The following ZHX2 variants were observed in gnomAD, a reference collection of about 807,000 sequenced individuals.
ZHX2 encodes the protein zinc fingers and homeoboxes protein 2.
Under a neutral mutation model 21.9 loss-of-function variants are expected in ZHX2, and 6 were observed. That is an observed-to-expected ratio of 0.27 (90% CI 0.15 to 0.54). The LOEUF (loss-of-function observed/expected upper bound fraction) is 0.54, where lower values mean the gene tolerates loss of function less well. Among genes scored for constraint, ZHX2 ranks in the 20% least tolerant of loss-of-function variants. The pLI is 0.95. For missense variants in ZHX2, 908 were observed against 1,090.7 expected, an observed-to-expected ratio of 0.83 and a Z score of 2.36; for synonymous variants, 434 against 437.1, an observed-to-expected ratio of 0.99 and a Z score of 0.09.
chr8:122,811,444 G>A (rs1485473860), intron 1 of ZHX2, among the ~76,000 whole-genome samples: 1 of 152,194 alleles, frequency 6.6e-6, no homozygotes, highest in East Asian at 1.9e-4. Context: ...TAGAGAATAT[G>A]ATGCAGGTTC....
At chr8:122,934,720 G>A (rs1019108792) in intron 2 of ZHX2, among the ~76,000 whole-genome samples, 8 of 147,660 alleles carry the variant, frequency 5.4e-5, no homozygotes, top group Admixed American at 1.4e-4. Flanking sequence ...ATGAAGTTTC[G>A]CTTTTGTTGC....
At chr8:122,958,223 G>T (rs1049455922) in intron 3 of ZHX2, among the ~76,000 whole-genome samples, 1 of 152,154 alleles carries the variant, frequency 6.6e-6, no homozygotes, top group Non-Finnish European at 1.5e-5. Context: ...CTCAGTCCAG[G>T]CTCACCTCGG....
Position 122,953,969 on chromosome 8 carries a change from C to T in ZHX2, c.2459C>T (p.Ser820Leu), listed in dbSNP as rs767932096. The T allele has an allele frequency of 5.0e-6, 8 of 1,613,388 alleles. No individual in the cohort carries two copies. Among genetic ancestry groups the T allele is most frequent in the South Asian group, 3.3e-5 (3 of 90,972 alleles). Residue 820 changes from serine to leucine, a missense_variant, in exon 3 of 4, where the codon TCG (serine) becomes TTG (leucine). Coordinates refer to ENST00000314393, the MANE Select transcript of ZHX2 (RefSeq NM_014943.5). This position sits in a 1 kb window ranked among gnomAD's most constrained non-coding sequence, Gnocchi z 4.6. ...SWSQAAAEGV[S>L]ELAESDSDCV... ...AGTCAGGCTGCGGCAGAAGGTGTGT[C>T]GGAACTGGCTGAATCAGACTCCGAC...
intron 2 of ZHX2, among the ~76,000 whole-genome samples, chr8:122,934,921 C>A (rs1358455403): frequency 6.6e-6 from 1 of 152,184 alleles, no homozygotes; most frequent in East Asian, 1.9e-4. Context: ...CTCCTGACCT[C>A]AGGTAATCCA....
intron 2 of ZHX2, among the ~76,000 whole-genome samples, chr8:122,901,828 C>T (rs186731154): frequency 3.3e-5 from 5 of 152,254 alleles, no homozygotes; most frequent in African/African-American, 7.2e-5. Context: ...TATCTCCAGA[C>T]ATTGCCAAAT....
chr8:122,879,723 T>C (rs1287212122), intron 2 of ZHX2, among the ~76,000 whole-genome samples: 2 of 152,062 alleles, frequency 1.3e-5, no homozygotes, highest in Non-Finnish European at 2.9e-5. Flanking sequence ...AACTCAGCCC[T>C]CGGGCCACGT....
At chr8:122,875,167 A>T (rs1358363962) in intron 2 of ZHX2, among the ~76,000 whole-genome samples, 407 of 32,790 alleles carry the variant, frequency 0.012, 42 homozygotes, top group African/African-American at 0.045. Context: ...ATATATATAT[A>T]TATATATATA....
chr8:122,947,010 C>G (rs1015344571), intron 2 of ZHX2, among the ~76,000 whole-genome samples: 7 of 141,728 alleles, frequency 4.9e-5, no homozygotes, highest in Non-Finnish European at 9.0e-5. Flanking sequence ...AATCCCAGCA[C>G]TTTGGGAGAC....
At chr8:122,853,284 G>A (rs150389308) in intron 1 of ZHX2, among the ~76,000 whole-genome samples, 52 of 152,246 alleles carry the variant, frequency 3.4e-4, no homozygotes, top group African/African-American at 1.2e-3. Context: ...TTTTCACATC[G>A]TATTTCCTTC....
chr8:122,787,690 G>T (rs1016925537), intron 1 of ZHX2, among the ~76,000 whole-genome samples: 11 of 152,184 alleles, frequency 7.2e-5, no homozygotes, highest in African/African-American at 1.4e-4. Context: ...CCCTGTTGGG[G>T]GCCCAGGGGC....
chr8:122,951,798 T>C lies in ZHX2; in HGVS notation c.288T>C (p.His96=), dbSNP rs4871332. 19,991 of 1,614,030 alleles carry C rather than the reference T, an allele frequency of 0.012. 509 individuals carry two copies. The highest frequency in any genetic ancestry group is 0.089 in the Admixed American group (5,339 of 60,012). The part of the protein sequence containing the change: ...STQNLNEFTE[H]VDMQHPNVIL... ...AAAACCTGAACGAGTTCACGGAGCA[T>C]GTCGACATGCAGCATCCCAACGTGA... The change falls in exon 3 of 4, where the codon CAT becomes CAC. Residue 96 remains histidine (H), a synonymous_variant. Coordinates refer to ENST00000314393, the MANE Select transcript of ZHX2 (RefSeq NM_014943.5).
intron 2 of ZHX2, among the ~76,000 whole-genome samples, chr8:122,927,311 A>G (rs942091912): frequency 1.3e-5 from 2 of 152,184 alleles, no homozygotes; most frequent in African/African-American, 4.8e-5. Flanking sequence ...CCTGGCCAAC[A>G]TGGTGAAACG....
intron 2 of ZHX2, among the ~76,000 whole-genome samples, chr8:122,921,162 AC>A (rs761740572): frequency 3.3e-5 from 5 of 151,876 alleles, no homozygotes; most frequent in Non-Finnish European, 5.9e-5. Flanking sequence ...TCACTCTGCA[AC>A]CTCTGCCTCC....
At chr8:122,876,518 C>T (rs1316807452) in intron 2 of ZHX2, among the ~76,000 whole-genome samples, 3 of 152,158 alleles carry the variant, frequency 2.0e-5, no homozygotes, top group Non-Finnish European at 4.4e-5. Flanking sequence ...TCCCCTGATC[C>T]CTGGATGCCA....
At chr8:122,825,759 CCTT>C (rs1466740652) in intron 1 of ZHX2, among the ~76,000 whole-genome samples, 2 of 152,274 alleles carry the variant, frequency 1.3e-5, no homozygotes, top group East Asian at 3.9e-4. Flanking sequence ...TGTAATTTAT[CCTT>C]CTCCATATGC....
At chr8:122,913,884 A>G (rs1308569754) in intron 2 of ZHX2, among the ~76,000 whole-genome samples, 4 of 152,202 alleles carry the variant, frequency 2.6e-5, no homozygotes, top group Admixed American at 2.6e-4. Flanking sequence ...CCATAGCCCA[A>G]GCCACCAAGT....
chr8:122,834,007 AAG>A lies in ZHX2; in HGVS notation c.-282-29467_-282-29466del, dbSNP rs1554625895. The stretch of plus-strand genomic sequence containing the variant: ...GCAAGACTCCGTCTCAAAAAAAAAA[AAG>A]AGTGAGTGAAGGAAAAGGTGTGCAG... On this transcript the variant is annotated intron_variant, in intron 1 of 3. Coordinates refer to ENST00000314393, the MANE Select transcript of ZHX2 (RefSeq NM_014943.5). Among the ~76,000 whole-genome samples the A allele has an allele frequency of 1.6e-3, 246 of 151,788 alleles. 2 individuals are homozygous for A. The highest frequency in any genetic ancestry group is 5.4e-3 in the African/African-American group (225 of 41,442).
intron 1 of ZHX2, among the ~76,000 whole-genome samples, chr8:122,804,417 T>G (rs1408073371): frequency 6.6e-6 from 1 of 152,162 alleles, no homozygotes; most frequent in African/African-American, 2.4e-5. Context: ...CCCCATTTAT[T>G]CAGTCATTCA....
At chr8:122,931,297 CAG>C (rs905724566) in intron 2 of ZHX2, among the ~76,000 whole-genome samples, 12 of 152,104 alleles carry the variant, frequency 7.9e-5, no homozygotes, top group African/African-American at 2.9e-4. Flanking sequence ...TGAGAAGGGC[CAG>C]AGTTTGTGCG....
Sources: allele counts gnomAD v4.1 joint callset (sites outside exome capture counted in the v4.1 genomes callset), GRCh38; gene constraint gnomAD v4.1.1; non-coding constraint Gnocchi (gnomAD v3.1); transcripts MANE v1.5; gene names NCBI Gene and HGNC (gene_info 2026-07-23, HGNC 2026-07-21).